HJURP: variants seen among roughly 807,000 people sequenced by gnomAD.
HJURP encodes 14-3-3-associated AKT substrate.
Under a neutral mutation model 72.0 loss-of-function variants are expected in HJURP, and 49 were observed. The ratio of observed to expected loss-of-function variants is 0.68; its 90% CI spans 0.54 to 0.86. The LOEUF (loss-of-function observed/expected upper bound fraction) is 0.86. Among genes scored for constraint, HJURP ranks in the 40% least tolerant of loss-of-function variants. HJURP has a pLI of 0.00. For synonymous variants in HJURP, 357 were observed against 347.1 expected, an observed-to-expected ratio of 1.03 and a Z score of -0.32; for missense variants, 908 against 936.3, an observed-to-expected ratio of 0.97 and a Z score of 0.39.
intron 8 of HJURP, 151 bp downstream of exon 8, chr2:233,840,458 G>T: frequency 1.3e-6 from 1 of 781,562 alleles, no homozygotes; most frequent in Non-Finnish European, 2.0e-6. Context: ...GGAAGGAAAA[G>T]CATTTGGGAG....
At chr2:233,848,226 A>C (rs1180760257) in intron 4 of HJURP, among the ~76,000 whole-genome samples, 1 of 151,986 alleles carries the variant, frequency 6.6e-6, no homozygotes, top group African/African-American at 2.4e-5. Context: ...AGGTGTTTAA[A>C]GGCTAGTGAC....
chr2:233,848,180 G>T (rs778370342), intron 4 of HJURP, among the ~76,000 whole-genome samples: 1 of 152,126 alleles, frequency 6.6e-6, no homozygotes, highest in African/African-American at 2.4e-5. Context: ...GGCAGAGGGG[G>T]ACAGAGGCTG....
intron 8 of HJURP, among the ~76,000 whole-genome samples, chr2:233,839,687 G>A (rs1172358638): frequency 1.3e-5 from 2 of 152,170 alleles, no homozygotes; most frequent in African/African-American, 2.4e-5. Context: ...CAGGCCAGGC[G>A]GGTCCAGGTG....
rs35590128 is a variant in HJURP, at chr2:233,841,270, G to C, written c.1510C>G (p.Leu504Val). The change falls in exon 8 of 9, where the codon CTA becomes GTA. Residue 504 changes from leucine (L) to valine (V), a missense_variant. This residue lies in a region of HJURP where 598 missense variants were observed against 619.5 expected (regional missense o/e 0.97). Coordinates refer to ENST00000411486, the MANE Select transcript of HJURP (RefSeq NM_018410.5). ...AKSLSEAFEN[L>V]GKRSLEAGRC... Reference sequence around the variant, plus strand: ...CCTGCTTCCAGAGATCTTTTGCCTAGGTTTTCAAAAGCCTCACTTAAACTT... The same window carrying C: ...CCTGCTTCCAGAGATCTTTTGCCTACGTTTTCAAAAGCCTCACTTAAACTT... The C allele has an allele frequency of 1.9e-6, 3 of 1,614,046 alleles. No individual in the cohort carries two copies. The highest frequency in any genetic ancestry group is 1.1e-5 in the South Asian group (1 of 91,086).
At chr2:233,849,520 G>A (rs913718057) in intron 4 of HJURP, among the ~76,000 whole-genome samples, 15 of 152,120 alleles carry the variant, frequency 9.9e-5, no homozygotes, top group Non-Finnish European at 2.2e-4. Context: ...ACATGGAGGG[G>A]CATGTTTATT....
chr2:233,844,938 G>A (rs933319123), intron 6 of HJURP, among the ~76,000 whole-genome samples: 4 of 152,070 alleles, frequency 2.6e-5, no homozygotes, highest in South Asian at 4.1e-4. Flanking sequence ...GTTGGCAGGT[G>A]AGTGTGCCCA....
chr2:233,848,368 C>A lies in HJURP; in HGVS notation c.338-907G>T, dbSNP rs191090884. ...CCATGCGGTCAGGCAGGACTTCAGG[C>A]CCCATTCTGGGTTCTGGCCTTTTAC... On this transcript the variant is annotated intron_variant, in intron 4 of 8. Coordinates refer to ENST00000411486, the MANE Select transcript of HJURP (RefSeq NM_018410.5). Among the ~76,000 whole-genome samples the A allele has an allele frequency of 3.8e-4, 58 of 152,298 alleles. 2 individuals carry two copies. In the South Asian group the frequency reaches 0.011, roughly 30 times the overall value.
At chr2:233,851,281 T>C (rs555814922) in intron 3 of HJURP, among the ~76,000 whole-genome samples, 4 of 152,208 alleles carry the variant, frequency 2.6e-5, no homozygotes, top group Non-Finnish European at 5.9e-5. Context: ...ACTATCAGTA[T>C]TGGGAAGAGA....
At chr2:233,845,467 T>C (rs1705339019) in intron 6 of HJURP, among the ~76,000 whole-genome samples, 1 of 152,144 alleles carries the variant, frequency 6.6e-6, no homozygotes, top group Non-Finnish European at 1.5e-5. Flanking sequence ...ACTAGATTTT[T>C]CTGTGAGTTG....
chr2:233,851,812 T>C (rs1162559016), intron 3 of HJURP, among the ~76,000 whole-genome samples: 1 of 152,124 alleles, frequency 6.6e-6, no homozygotes, highest in East Asian at 1.9e-4. Flanking sequence ...ATCAAGAAGA[T>C]TTGATTTCAA....
Position 233,844,232 on chromosome 2 carries a change from G to C in HJURP, c.547C>G (p.Leu183Val). ...RDVRVTPLPS[L>V]ASPAVPAPGY... ...GGGGCAGGCACGGCAGGTGAGGCCA[G>C]TGAAGGCAGCGGAGTCACACGTACA... The change falls in exon 7 of 9, where the codon CTG becomes GTG. Residue 183 changes from leucine to valine, a missense_variant. Transcript: ENST00000411486. 6.2e-7 allele frequency: 1 copy of C among 1,614,204 alleles called. No individual in the cohort carries two copies.
chr2:233,837,362 T>A lies in HJURP; in HGVS notation c.*215A>T, dbSNP rs544165084. 1.4e-5 allele frequency: 5 copies of A among 357,588 alleles called. No individual in the cohort carries two copies. Among genetic ancestry groups the A allele is most frequent in the East Asian group, 4.6e-5 (1 of 21,910 alleles). 22.2% of individuals were successfully genotyped at this position (357,588 alleles called of 1,614,324 possible). On this transcript the variant is annotated 3_prime_UTR_variant, in exon 9 of 9. Coordinates refer to ENST00000411486, the MANE Select transcript of HJURP (RefSeq NM_018410.5). ...CACACACATCAGAAAAACAGGCCTATCAAAGAGAACCCTAAAAATTCTAAT... is the reference window on the plus strand; with the variant it reads ...CACACACATCAGAAAAACAGGCCTAACAAAGAGAACCCTAAAAATTCTAAT...
At chr2:233,849,021 G>A (rs940322592) in intron 4 of HJURP, among the ~76,000 whole-genome samples, 2 of 152,340 alleles carry the variant, frequency 1.3e-5, no homozygotes, top group South Asian at 4.1e-4. Context: ...AAAACCCAAA[G>A]AATGCTAACA....
Position 233,845,849 on chromosome 2 carries a change from T to C in HJURP, c.403-29A>G, listed in dbSNP as rs757707813. ...ATCAAAAAAGAGAAGTCAGAATTTT[T>C]AAGAGCTTCTGAGTATAGCTGACCT... On this transcript the variant is annotated intron_variant, in intron 5 of 8. Coordinates refer to ENST00000411486, the MANE Select transcript of HJURP (RefSeq NM_018410.5). 9.5e-5 allele frequency: 141 copies of C among 1,477,296 alleles called. No homozygotes were observed. The Admixed American group carries it at 2.4e-3, about 25-fold the overall frequency. The allele number at this position is 1,477,296 out of a possible 1,614,324, so 91.5% of individuals were successfully genotyped here.
chr2:233,850,349 T>C (rs959198740), intron 3 of HJURP, among the ~76,000 whole-genome samples: 20 of 152,220 alleles, frequency 1.3e-4, no homozygotes, highest in African/African-American at 4.6e-4. Flanking sequence ...AGGCAGCTGC[T>C]TGTCCTGACC....
chr2:233,844,176 T>C lies in HJURP; in HGVS notation c.574+29A>G, dbSNP rs772266303. 28 of 1,600,080 alleles carry C rather than the reference T, an allele frequency of 1.7e-5. No individual in the cohort carries two copies. In the African/African-American group the frequency reaches 2.8e-4, roughly 16 times the overall value. ...CAACAAAAGTGAAGGAAACACGCAC[T>C]GTTCATACAGTTTCTATGTCACACT... On this transcript the variant is annotated intron_variant, in intron 7 of 8. Coordinates refer to ENST00000411486, the MANE Select transcript of HJURP (RefSeq NM_018410.5).
rs768930745 is a variant in HJURP, at chr2:233,840,634, A to G, written c.2146T>C (p.Ser716Pro). 6.2e-7 allele frequency: 1 copy of G among 1,604,498 alleles called. No individual in the cohort carries two copies. The highest frequency in any genetic ancestry group is 8.5e-7 in the Non-Finnish European group (1 of 1,177,200). Residue 716 changes from serine to proline, a missense_variant, in exon 8 of 9, where the codon TCT becomes CCT. Physicochemically the swap from Ser to Pro is moderately conservative, Grantham distance 74. Around this residue, in one of 3 missense-constraint regions of HJURP, gnomAD observed 598 missense variants for 619.5 expected, o/e 0.97. Coordinates refer to ENST00000411486, the MANE Select transcript of HJURP (RefSeq NM_018410.5). ...NTVRPGDQGS[S>P]SQPNSEERGE... ...CTCTCTTCTGAGTTGGGCTGTGAAG[A>G]GCTGCCCTGGTCTCCCGGTCTGACG...
chr2:233,838,950 T>C (rs1317550441), intron 8 of HJURP, among the ~76,000 whole-genome samples: 1 of 152,168 alleles, frequency 6.6e-6, no homozygotes, highest in Admixed American at 6.5e-5. Flanking sequence ...GAAAGACTGC[T>C]GTTAGCCGTG....
chr2:233,852,547 A>C lies in HJURP; in HGVS notation c.240+18T>G. ...TCCACAGCAAGGTTATTTGGCAATA[A>C]AATTTGACACTAAATACCTGGATCT... On this transcript the variant is annotated intron_variant, in intron 3 of 8. Coordinates refer to ENST00000411486, the MANE Select transcript of HJURP (RefSeq NM_018410.5). 1.3e-6 allele frequency: 2 copies of C among 1,566,432 alleles called. No individual in the cohort carries two copies. The highest frequency in any genetic ancestry group is 1.8e-6 in the Non-Finnish European group (2 of 1,135,918).
Sources: gnomAD v4.1 joint callset for allele counts (sites outside exome capture counted in the v4.1 genomes callset) on GRCh38, gnomAD v4.1.1 for gene constraint, gnomAD v4.1.1 regional missense constraint, MANE v1.5 for transcripts, NCBI Gene and HGNC (gene_info 2026-07-23, HGNC 2026-07-21) for gene names.